The following PAQR3 variants were observed in gnomAD, a reference collection of about 807,000 sequenced individuals.
PAQR3 encodes the protein Raf kinase trapping to Golgi.
Under a neutral mutation model 41.7 loss-of-function variants are expected in PAQR3, and 39 were observed. The ratio of observed to expected loss-of-function variants is 0.93; its 90% CI spans 0.72 to 1.22. PAQR3 has a LOEUF of 1.22. Among genes scored for constraint, PAQR3 ranks in the 50% most tolerant of loss-of-function variants. The probability of loss-of-function intolerance (pLI) is 0.00; values close to 1 mark genes in which losing one functional copy is unlikely to be tolerated. For synonymous variants in PAQR3, 140 were observed against 140.6 expected, an observed-to-expected ratio of 1.00 and a Z score of 0.03; for missense variants, 366 against 385.6, an observed-to-expected ratio of 0.95 and a Z score of 0.42.
chr4:78,905,695 ATTAACT>A (rs943442197), intron 11 of PAQR3, among the ~76,000 whole-genome samples: 6 of 152,064 alleles, frequency 3.9e-5, no homozygotes, highest in South Asian at 4.1e-4. Context: ...CTTTTGGGAA[ATTAACT>A]TTAGCAGTGA....
chr4:78,923,776 T>A, intron 5 of PAQR3, 81 bp downstream of exon 5: 1 of 900,240 alleles, frequency 1.1e-6, no homozygotes. Flanking sequence ...AAAATGAAAC[T>A]AAGTTTTGAT....
intron 1 of PAQR3, among the ~76,000 whole-genome samples, chr4:78,937,463 C>T (rs1485891432): frequency 6.6e-6 from 1 of 152,190 alleles, no homozygotes; most frequent in Non-Finnish European, 1.5e-5. Flanking sequence ...ACCACATCTT[C>T]GTATTCTGTT....
In PAQR3 at chr4:78,923,976, A is replaced by C. The variant is rs778335266; in HGVS notation, c.703-29T>G. The C allele has an allele frequency of 3.4e-6, 5 of 1,462,100 alleles. No individual in the cohort carries two copies. In the Admixed American group the frequency reaches 6.7e-5, roughly 20 times the overall value. 90.6% of individuals were successfully genotyped at this position (1,462,100 alleles called of 1,614,324 possible). A position where few individuals can be genotyped will look rare whatever the true frequency, so the allele number is the denominator to read the frequency against. On this transcript the variant is annotated intron_variant, in intron 4 of 5. Transcript: ENST00000512733. Reference sequence around the variant, plus strand: ...AAAAGCAGAACATGTTTTTTTACAGATCTTCCTACTGTTACTGAACTCTAA... The same window carrying C: ...AAAAGCAGAACATGTTTTTTTACAGCTCTTCCTACTGTTACTGAACTCTAA...
chr4:78,920,931 T>C (rs1735601092), intron 5 of PAQR3, among the ~76,000 whole-genome samples: 1 of 151,876 alleles, frequency 6.6e-6, no homozygotes, highest in Non-Finnish European at 1.5e-5. Context: ...AAAATCTAAC[T>C]TAATTTCAGG....
intron 11 of PAQR3, among the ~76,000 whole-genome samples, chr4:78,900,146 G>A (rs532235364): frequency 3.3e-5 from 5 of 152,160 alleles, no homozygotes; most frequent in Non-Finnish European, 7.4e-5. Flanking sequence ...TGAAGACGAT[G>A]AGGATGAGGA....
chr4:78,890,992 A>G (rs1181131638), intron 11 of PAQR3, among the ~76,000 whole-genome samples: 1 of 152,146 alleles, frequency 6.6e-6, no homozygotes, highest in African/African-American at 2.4e-5. Flanking sequence ...TGAGGCCAAG[A>G]GTTTAAGACC....
downstream of PAQR3, chr4:78,911,842 C>T (rs764276971): frequency 2.7e-5 from 44 of 1,613,864 alleles, no homozygotes; most frequent in Middle Eastern, 3.3e-4. Context: ...CAATACTGTC[C>T]TGCCAGGGCG....
chr4:78,902,883 A>G (rs1734083623), intron 11 of PAQR3, among the ~76,000 whole-genome samples: 1 of 152,140 alleles, frequency 6.6e-6, no homozygotes, highest in Admixed American at 6.6e-5. Context: ...TTTATTTAAT[A>G]ATATATTGCA....
At chr4:78,898,984 A>G (rs1257020942) in intron 11 of PAQR3, 2 of 152,332 alleles carry the variant, frequency 1.3e-5, no homozygotes, top group East Asian at 1.9e-4. Flanking sequence ...TTGGACCTCA[A>G]TATGGTGACC....
In PAQR3 at chr4:78,911,966, A is replaced by C. The variant is rs1405046728; in HGVS notation, c.*8573T>G. 4 of 1,613,842 alleles carry C rather than the reference A, an allele frequency of 2.5e-6. No homozygotes were observed. ...GTGGTGCAAAGCATCACTCCACATC[A>C]GTCCCAACAGTCCCAACCAGTCGAA... is the stretch of plus-strand genomic sequence containing the variant. On this transcript the variant is annotated 3_prime_UTR_variant, in exon 6 of 6. Transcript: ENST00000512733.
Position 78,930,294 on chromosome 4 carries a change from AGAT to A in PAQR3, c.377_379del (p.His126del). 1 of 1,613,646 alleles carries A rather than the reference AGAT, an allele frequency of 6.2e-7. No homozygotes were observed. The highest frequency in any genetic ancestry group is 8.5e-7 in the Non-Finnish European group (1 of 1,179,848). The stretch of plus-strand genomic sequence containing the variant: ...TTTTTCTGACCGATGGCAGGAAAAA[AGAT>A]GATAGCCCACAGAGCAAAGCATACA... On this transcript the variant is annotated inframe_deletion, in exon 3 of 6. Transcript: ENST00000512733.
chr4:78,920,454 A>G lies in PAQR3; in HGVS notation c.*85T>C, dbSNP rs1443978285. On this transcript the variant is annotated 3_prime_UTR_variant, in exon 6 of 6. Coordinates refer to ENST00000512733, the MANE Select transcript of PAQR3 (RefSeq NM_001040202.2). ...TATTAAAAAGGAAAAAGGGAAAACTAATGGGAATCTTAGAAATAGTGGGGT... is the reference window on the plus strand; with the variant it reads ...TATTAAAAAGGAAAAAGGGAAAACTGATGGGAATCTTAGAAATAGTGGGGT... The G allele has an allele frequency of 2.8e-6, 4 of 1,427,412 alleles. No individual in the cohort carries two copies. The highest frequency in any genetic ancestry group is 2.8e-6 in the Non-Finnish European group (3 of 1,086,848). 88.4% of individuals were successfully genotyped at this position (1,427,412 alleles called of 1,614,324 possible).
At chr4:78,932,724 G>T (rs1373197555) in intron 2 of PAQR3, among the ~76,000 whole-genome samples, 3 of 151,426 alleles carry the variant, frequency 2.0e-5, no homozygotes, top group Non-Finnish European at 4.4e-5. Flanking sequence ...ATAAAAAGAG[G>T]AAAAAAAGAA....
chr4:78,927,057 G>A (rs756112629), intron 3 of PAQR3, among the ~76,000 whole-genome samples: 1 of 152,192 alleles, frequency 6.6e-6, no homozygotes, highest in Non-Finnish European at 1.5e-5. Context: ...GACTATGGGA[G>A]GGGCAGAATG....
At chr4:78,911,215 C>G, downstream of PAQR3, 1 of 1,613,812 alleles carries the variant, frequency 6.2e-7, no homozygotes, top group Non-Finnish European at 8.5e-7. Context: ...TGCTGCAGGA[C>G]TGGAGCAGGA....
Position 78,918,848 on chromosome 4 carries a change from T to A in PAQR3, c.*1691A>T. On this transcript the variant is annotated 3_prime_UTR_variant, in exon 6 of 6. Transcript: ENST00000512733. ...TCTATTAAAAGGCAATAAAATCATGTAAGCCAATAAGGGATGTTCTAGGAG... is the reference window on the plus strand; with the variant it reads ...TCTATTAAAAGGCAATAAAATCATGAAAGCCAATAAGGGATGTTCTAGGAG... 6 of 984,478 alleles carry A rather than the reference T, an allele frequency of 6.1e-6. No homozygotes were observed. The highest frequency in any genetic ancestry group is 7.2e-6 in the Non-Finnish European group (6 of 829,212). 61.0% of individuals were successfully genotyped at this position (984,478 alleles called of 1,614,324 possible).
At chr4:78,937,331 T>A (rs549873673) in intron 1 of PAQR3, among the ~76,000 whole-genome samples, 67 of 152,336 alleles carry the variant, frequency 4.4e-4, no homozygotes, top group African/African-American at 1.5e-3. Context: ...TTCAGGCCAC[T>A]GTCACTGGAC....
rs892398443 is a variant in PAQR3 at position 78,920,485 on chromosome 4, A to C, written c.*54T>G. On this transcript the variant is annotated 3_prime_UTR_variant, in exon 6 of 6. Coordinates refer to ENST00000512733, the MANE Select transcript of PAQR3 (RefSeq NM_001040202.2). ...AATCTTAGAAATAGTGGGGTATACA[A>C]TTCCCCATTATATATTGCTTAACAA... 4 of 1,539,258 alleles carry C rather than the reference A, an allele frequency of 2.6e-6. No homozygotes were observed. The African/African-American group carries it at 4.2e-5, about 16-fold the overall frequency.
intron 11 of PAQR3, among the ~76,000 whole-genome samples, chr4:78,904,236 A>G (rs910064320): frequency 1.3e-5 from 2 of 151,944 alleles, no homozygotes; most frequent in African/African-American, 4.8e-5. Context: ...TTGAAGAGAA[A>G]AAAGTTCTAA....
Sources: gnomAD v4.1 joint callset for allele counts (sites outside exome capture counted in the v4.1 genomes callset) on GRCh38, gnomAD v4.1.1 for gene constraint, MANE v1.5 for transcripts, NCBI Gene and HGNC (gene_info 2026-07-23, HGNC 2026-07-21) for gene names.